CA10: variants seen among roughly 807,000 people sequenced by gnomAD.
CA10 encodes the protein carbonic anhydrase-related protein 10.
In CA10, 14 loss-of-function variants were observed where a neutral mutation model predicts 44.2. The ratio of observed to expected loss-of-function variants is 0.32; its 90% CI spans 0.21 to 0.50. The LOEUF is 0.50. Ranked by LOEUF, CA10 falls within the 20% of genes least tolerant of loss-of-function variation. CA10 has a pLI of 0.99. For synonymous variants in CA10, 159 were observed against 141.6 expected (o/e 1.12, Z -0.87); for missense variants, 350 against 409.7 (o/e 0.85, Z 1.26).
chr17:51,925,791 T>C (rs1332968942), intron 3 of CA10, among the ~76,000 whole-genome samples: 1 of 152,150 alleles, frequency 6.6e-6, no homozygotes, highest in African/African-American at 2.4e-5. Context: ...TGCTCCAACA[T>C]GGATGGACCT....
At chr17:52,003,368 T>C (rs1251365070) in intron 2 of CA10, among the ~76,000 whole-genome samples, 3 of 151,856 alleles carry the variant, frequency 2.0e-5, no homozygotes, top group South Asian at 4.1e-4. Context: ...ATCATCTCCC[T>C]ACAAGCAAAT....
At chr17:51,640,689 T>C (rs1462442483) in intron 6 of CA10, among the ~76,000 whole-genome samples, 3 of 152,182 alleles carry the variant, frequency 2.0e-5, no homozygotes, top group East Asian at 3.8e-4. Flanking sequence ...GAAAAGAACA[T>C]GAGTAAAACA....
intron 4 of CA10, among the ~76,000 whole-genome samples, chr17:51,670,178 A>G (rs1914363311): frequency 1.3e-5 from 2 of 152,222 alleles, no homozygotes; most frequent in Admixed American, 6.5e-5. Context: ...TCTCAGCAGC[A>G]TGAAAATGGA....
chr17:52,056,367 C>A (rs1308300217), intron 2 of CA10, among the ~76,000 whole-genome samples: 1 of 151,966 alleles, frequency 6.6e-6, no homozygotes, highest in Non-Finnish European at 1.5e-5. Context: ...CATAAGAAGT[C>A]ATGAAGCGGG....
At position 51,927,042 on chromosome 17, in the gene CA10, C is replaced by A. The variant is rs376249286; in HGVS notation, c.279+3948G>T. 3.3e-5 allele frequency among the ~76,000 whole-genome samples: 5 copies of A among 152,190 alleles called. No individual in the cohort carries two copies. In the South Asian group the frequency reaches 6.2e-4, roughly 19 times the overall value. ...AAAAGAAAAAATAAAACAGTATTATCCTTCATCCCAGTCTCTTTTTTAGAT... is the reference window on the plus strand; with the variant it reads ...AAAAGAAAAAATAAAACAGTATTATACTTCATCCCAGTCTCTTTTTTAGAT... On this transcript the variant is annotated intron_variant, in intron 3 of 8. Transcript: ENST00000451037.
At position 51,851,502 on chromosome 17, in the gene CA10, T is replaced by C. The variant is rs536499799; in HGVS notation, c.279+79488A>G. On this transcript the variant is annotated intron_variant, in intron 3 of 8. Transcript: ENST00000451037. ...TTGTTTTGAGGATGAAATTAATTAA[T>C]ACATGTAAAGCATTTGGAAGGCATG... Among the ~76,000 whole-genome samples, 2 of 152,344 alleles carry C rather than the reference T, an allele frequency of 1.3e-5. 1 individual carries two copies. Among genetic ancestry groups the C allele is most frequent in the South Asian group, 4.1e-4 (2 of 4,824 alleles).
chr17:51,725,879 C>T (rs1340569667), intron 4 of CA10, among the ~76,000 whole-genome samples: 1 of 152,108 alleles, frequency 6.6e-6, no homozygotes, highest in Non-Finnish European at 1.5e-5. Context: ...GAGACAGGAA[C>T]CCTGAACTGT....
intron 3 of CA10, chr17:51,748,401 C>A (rs1304789817): frequency 1.4e-5 from 12 of 857,604 alleles, no homozygotes; most frequent in Non-Finnish European, 1.7e-5. Context: ...ACTCAAACTT[C>A]CAATTTCATA....
At chr17:52,006,656 A>C (rs1397226272) in intron 2 of CA10, among the ~76,000 whole-genome samples, 1 of 151,870 alleles carries the variant, frequency 6.6e-6, no homozygotes, top group African/African-American at 2.4e-5. Flanking sequence ...TTTTACATAA[A>C]TGTAATCATA....
intron 2 of CA10, among the ~76,000 whole-genome samples, chr17:51,987,107 A>G (rs575779500): frequency 6.6e-6 from 1 of 152,250 alleles, no homozygotes; most frequent in South Asian, 2.1e-4. Context: ...AACCAACCCA[A>G]ATGCCCATCA....
chr17:51,660,292 C>T (rs1340600873), intron 4 of CA10, among the ~76,000 whole-genome samples: 1 of 152,154 alleles, frequency 6.6e-6, no homozygotes, highest in Non-Finnish European at 1.5e-5. Flanking sequence ...CACTTATGTC[C>T]TAGAATTTTC....
At chr17:51,757,184 T>C (rs1171915417) in intron 3 of CA10, among the ~76,000 whole-genome samples, 4 of 152,162 alleles carry the variant, frequency 2.6e-5, no homozygotes, top group African/African-American at 9.7e-5. Flanking sequence ...TTCTGCAAAG[T>C]AGCTCAAGAG....
At chr17:51,712,615 C>T (rs1219091115) in intron 4 of CA10, among the ~76,000 whole-genome samples, 1 of 152,162 alleles carries the variant, frequency 6.6e-6, no homozygotes, top group Non-Finnish European at 1.5e-5. Flanking sequence ...TATTGATCTA[C>T]AGAATACACT....
At chr17:51,926,515 G>A (rs1415173806) in intron 3 of CA10, among the ~76,000 whole-genome samples, 1 of 152,158 alleles carries the variant, frequency 6.6e-6, no homozygotes, top group African/African-American at 2.4e-5. Context: ...TATTTGGGGA[G>A]TTAGAAATCT....
intron 3 of CA10, among the ~76,000 whole-genome samples, chr17:51,921,363 G>A (rs910816115): frequency 9.9e-5 from 15 of 152,154 alleles, no homozygotes; most frequent in African/African-American, 3.6e-4. Context: ...ATTTTGAATT[G>A]AAGTCTGGCC....
intron 3 of CA10, among the ~76,000 whole-genome samples, chr17:51,909,990 CT>C (rs763849799): frequency 3.3e-5 from 5 of 152,084 alleles, no homozygotes; most frequent in Admixed American, 2.0e-4. Context: ...AAATGTTGCC[CT>C]GCACTGCTTG....
intron 4 of CA10, among the ~76,000 whole-genome samples, chr17:51,717,601 A>ATATACATG (rs1267361508): frequency 7.3e-6 from 1 of 136,218 alleles, no homozygotes; most frequent in African/African-American, 2.8e-5. Context: ...TTGTGTATAT[A>ATATACATG]TATACATGTA....
At chr17:51,808,195 A>G (rs138612130) in intron 3 of CA10, among the ~76,000 whole-genome samples, 342 of 152,306 alleles carry the variant, frequency 2.2e-3, no homozygotes, top group African/African-American at 7.7e-3. Context: ...CAGTCAATTG[A>G]AGAAAGGTTT....
At chr17:51,684,641 C>T (rs748526168) in intron 4 of CA10, among the ~76,000 whole-genome samples, 12 of 152,140 alleles carry the variant, frequency 7.9e-5, no homozygotes, top group Non-Finnish European at 1.5e-4. Flanking sequence ...TTTAAAAATA[C>T]ATTTAAAGCT....
Sources: gnomAD v4.1 joint callset for allele counts (sites outside exome capture counted in the v4.1 genomes callset) on GRCh38, gnomAD v4.1.1 for gene constraint, MANE v1.5 for transcripts, NCBI Gene and HGNC (gene_info 2026-07-23, HGNC 2026-07-21) for gene names.